ABHD6: variants seen among roughly 807,000 people sequenced by gnomAD.
ABHD6 encodes the protein monoacylglycerol lipase ABHD6.
A neutral mutation model predicts 38.8 loss-of-function variants in ABHD6; 33 were observed. The observed-to-expected ratio is 0.85, with a 90% CI of 0.64 to 1.14. ABHD6 has a LOEUF of 1.14. ABHD6 is among the 50% of genes most tolerant of loss of function. The probability of loss-of-function intolerance (pLI) is 0.00; values close to 1 mark genes in which losing one functional copy is unlikely to be tolerated. For missense variants in ABHD6, 380 were observed against 422.6 expected (o/e 0.90, Z 0.88); for synonymous variants, 147 against 161.6 (o/e 0.91, Z 0.69).
chr3:58,286,848 G>GAATATATATATATATATA (rs746605515), intron 9 of ABHD6, among the ~76,000 whole-genome samples: 1 of 70,062 alleles, frequency 1.4e-5, no homozygotes. Context: ...GTGTGTGTGT[G>GAATATATATATATATATA]TGTGTATATA....
chr3:58,272,285 A>G (rs376028247), intron 6 of ABHD6, among the ~76,000 whole-genome samples: 9 of 152,244 alleles, frequency 5.9e-5, no homozygotes, highest in African/African-American at 2.2e-4. Flanking sequence ...CCAAAACCAC[A>G]GTAGGAACAG....
intron 9 of ABHD6, among the ~76,000 whole-genome samples, chr3:58,288,587 C>A (rs980599390): frequency 2.1e-5 from 3 of 141,330 alleles, no homozygotes; most frequent in Non-Finnish European, 4.5e-5. Flanking sequence ...ATTGAGTGAA[C>A]AAACCAACTA....
At chr3:58,258,557 A>G in intron 3 of ABHD6, 2 of 302,808 alleles carry the variant, frequency 6.6e-6, no homozygotes, top group Admixed American at 4.1e-5. Context: ...TGCCCTTCCC[A>G]CCCCCATGGT....
At chr3:58,264,399 A>G (rs144410696) in intron 3 of ABHD6, among the ~76,000 whole-genome samples, 10,674 of 53,750 alleles carry the variant, frequency 0.2, 758 homozygotes, top group Admixed American at 0.34. Flanking sequence ...ACACACACAC[A>G]CACACACACA....
At position 58,273,857 on chromosome 3, in the gene ABHD6, G is replaced by A. The variant is rs1182222588; in HGVS notation, c.524-801G>A. Among the ~76,000 whole-genome samples, 5 of 152,018 alleles carry A rather than the reference G, an allele frequency of 3.3e-5. No individual in the cohort carries two copies. Among genetic ancestry groups the A allele is most frequent in the African/African-American group, 1.2e-4 (5 of 41,376 alleles). ...GTATACCTATGTAACAAACCTGCAC[G>A]TTCTGCCCATGTATCCCAGAACTTA... On this transcript the variant is annotated intron_variant, in intron 6 of 9. Coordinates refer to ENST00000478253, the MANE Select transcript of ABHD6 (RefSeq NM_001320126.2). This position sits in a 1 kb window ranked among gnomAD's most constrained non-coding sequence, Gnocchi z 4.8.
chr3:58,289,752 A>G (rs2097460250), intron 9 of ABHD6, among the ~76,000 whole-genome samples: 1 of 152,134 alleles, frequency 6.6e-6, no homozygotes, highest in Non-Finnish European at 1.5e-5. Flanking sequence ...GCTGTTGGGC[A>G]CACCTCCCAG....
At position 58,289,859 on chromosome 3, in the gene ABHD6, A is replaced by G. The variant is rs1215650793; in HGVS notation, c.838-3730A>G. 7.9e-3 allele frequency among the ~76,000 whole-genome samples: 818 copies of G among 103,704 alleles called. 13 individuals carry two copies. Among genetic ancestry groups the G allele is most frequent in the African/African-American group, 0.038 (749 of 19,972 alleles). The allele number at this position is 103,704 out of a possible 152,430, so 68.0% of individuals were successfully genotyped here. ...ACCCGGACAGGGCGGCTGGCCGGGT[A>G]GGGGGCTGACCCCCCCACCTCCCTC... is the stretch of plus-strand genomic sequence containing the variant. On this transcript the variant is annotated intron_variant, in intron 9 of 9. Transcript: ENST00000478253.
In ABHD6 at chr3:58,266,399, G is replaced by A. The variant is rs2222042; in HGVS notation, c.120-790G>A. Among the ~76,000 whole-genome samples, 17,553 of 150,700 alleles carry A rather than the reference G, an allele frequency of 0.12. 1,307 individuals are homozygous for A. Among genetic ancestry groups the A allele is most frequent in the African/African-American group, 0.21 (8,430 of 40,976 alleles). ...GTGGAGGTTGCAGTGAGCGGAAATT[G>A]CCCCAGCGTGGGTGACAGAGCGAGA... On this transcript the variant is annotated intron_variant, in intron 3 of 9. Coordinates refer to ENST00000478253, the MANE Select transcript of ABHD6 (RefSeq NM_001320126.2). This position sits in a 1 kb window ranked among gnomAD's most constrained non-coding sequence, Gnocchi z 4.0.
In ABHD6 at chr3:58,263,847, A is replaced by G. The variant is rs2097438840; in HGVS notation, c.120-3342A>G. Among the ~76,000 whole-genome samples, 2 of 152,238 alleles carry G rather than the reference A, an allele frequency of 1.3e-5. No homozygotes were observed. The highest frequency in any genetic ancestry group is 6.5e-5 in the Admixed American group (1 of 15,282). On this transcript the variant is annotated intron_variant, in intron 3 of 9. Transcript: ENST00000478253. The surrounding 1 kb of genome is among the most constrained non-coding windows in gnomAD (Gnocchi z 4.9). ...AAAAATAAAAAATAATAAATAATTT[A>G]AAAATAAAAAGGTAACACAAAGAAA...
chr3:58,239,698 T>C (rs2097421483), intron 1 of ABHD6, among the ~76,000 whole-genome samples: 1 of 152,100 alleles, frequency 6.6e-6, no homozygotes, highest in Non-Finnish European at 1.5e-5. Flanking sequence ...GGAATGCAGT[T>C]TGTGCAACTG....
chr3:58,264,488 G>GAGACC (rs1466909296), intron 3 of ABHD6, among the ~76,000 whole-genome samples: 6 of 150,764 alleles, frequency 4.0e-5, no homozygotes, highest in Non-Finnish European at 7.4e-5. Context: ...ACTTGAGTTC[G>GAGACC]AGACCAGCCC....
chr3:58,276,530 G>A (rs77012460), intron 7 of ABHD6, among the ~76,000 whole-genome samples: 67,488 of 151,862 alleles, frequency 0.44, 16,626 homozygotes, highest in African/African-American at 0.67. Flanking sequence ...TGTCAGATGG[G>A]TAGATTGCAA....
chr3:58,289,841 CAGGGCGGCTGGCCGGGTAG>C (rs2097460377), intron 9 of ABHD6, among the ~76,000 whole-genome samples: 6 of 145,676 alleles, frequency 4.1e-5, no homozygotes, highest in Admixed American at 6.7e-5. Flanking sequence ...ACCACCCGGA[CAGGGCGGCTGGCCGGGTAG>C]GGGGCTGACC....
At chr3:58,292,253 C>A (rs569769709) in intron 9 of ABHD6, among the ~76,000 whole-genome samples, 3 of 152,268 alleles carry the variant, frequency 2.0e-5, no homozygotes, top group Admixed American at 6.5e-5. Context: ...GGCAGAAAAT[C>A]TTGGTTTTAA....
rs1444519262 is a variant in ABHD6, at chr3:58,267,534, G to A, written c.276+189G>A. 2.0e-5 allele frequency among the ~76,000 whole-genome samples: 3 copies of A among 151,964 alleles called. No individual in the cohort carries two copies. Among genetic ancestry groups the A allele is most frequent in the Non-Finnish European group, 4.4e-5 (3 of 67,970 alleles). On this transcript the variant is annotated intron_variant, in intron 4 of 9. Coordinates refer to ENST00000478253, the MANE Select transcript of ABHD6 (RefSeq NM_001320126.2). This position sits in a 1 kb window ranked among gnomAD's most constrained non-coding sequence, Gnocchi z 4.3. Reference sequence around the variant, plus strand: ...TAAAAAATTAGCCAGGTGTGGTGGTGCATGCCTGTAGTCCTGGCTACTCAG... The same window carrying A: ...TAAAAAATTAGCCAGGTGTGGTGGTACATGCCTGTAGTCCTGGCTACTCAG...
intron 1 of ABHD6, among the ~76,000 whole-genome samples, chr3:58,247,558 G>A (rs1239335757): frequency 6.6e-6 from 1 of 152,044 alleles, no homozygotes; most frequent in African/African-American, 2.4e-5. Context: ...TTGTATTGTA[G>A]TTATTTTTTG....
chr3:58,271,766 GTTTTTTT>G lies in ABHD6; in HGVS notation c.523+720_523+726del, dbSNP rs3038091. Reference sequence around the variant, plus strand: ...CTCTCCTCTATCTCCCCCTCTCTCTGTTTTTTTTTTTTTTTTTTTTTTTTGAGACAGT... The same window carrying G: ...CTCTCCTCTATCTCCCCCTCTCTCTGTTTTTTTTTTTTTTTTTGAGACAGT... On this transcript the variant is annotated intron_variant, in intron 6 of 9. Coordinates refer to ENST00000478253, the MANE Select transcript of ABHD6 (RefSeq NM_001320126.2). Among the ~76,000 whole-genome samples, 8 of 63,618 alleles carry G rather than the reference GTTTTTTT, an allele frequency of 1.3e-4. No homozygotes were observed. The East Asian group carries it at 2.2e-3, about 18-fold the overall frequency. The allele number at this position is 63,618 out of a possible 152,430, so 41.7% of individuals were successfully genotyped here.
chr3:58,246,390 C>G (rs55867324), intron 1 of ABHD6, among the ~76,000 whole-genome samples: 28,683 of 152,246 alleles, frequency 0.19, 4,385 homozygotes, highest in East Asian at 0.79. Context: ...AAAGCTGTAC[C>G]ACAGGATACA....
chr3:58,268,998 G>C (rs1203622665), intron 4 of ABHD6, among the ~76,000 whole-genome samples: 2 of 152,150 alleles, frequency 1.3e-5, no homozygotes, highest in Non-Finnish European at 2.9e-5. Flanking sequence ...TGTGGAAGGG[G>C]TGAGGGAAAG....
Sources: gnomAD v4.1 joint callset for allele counts (sites outside exome capture counted in the v4.1 genomes callset) on GRCh38, gnomAD v4.1.1 for gene constraint, Gnocchi (gnomAD v3.1) non-coding constraint, MANE v1.5 for transcripts, NCBI Gene and HGNC (gene_info 2026-07-23, HGNC 2026-07-21) for gene names.